Variants in MMP16 observed in about 807,000 individuals in gnomAD.
MMP16 encodes matrix metalloproteinase-16.
A neutral mutation model predicts 67.8 loss-of-function variants in MMP16; 12 were observed. The observed-to-expected ratio is 0.18, with a 90% CI of 0.11 to 0.29. MMP16 has a LOEUF of 0.29. Among genes scored for constraint, MMP16 ranks in the 10% least tolerant of loss-of-function variants. The pLI is 1.00. For missense variants in MMP16, 475 were observed against 765.7 expected (o/e 0.62, Z 4.48); for synonymous variants, 249 against 255.9 (o/e 0.97, Z 0.26).
chr8:88,274,662 C>T (rs954233869), intron 1 of MMP16, among the ~76,000 whole-genome samples: 8 of 151,944 alleles, frequency 5.3e-5, no homozygotes, highest in African/African-American at 1.9e-4. Flanking sequence ...AAGTTACAAT[C>T]TGTAATTATT....
At chr8:88,082,881 T>C (rs546330880) in intron 6 of MMP16, among the ~76,000 whole-genome samples, 2 of 152,044 alleles carry the variant, frequency 1.3e-5, no homozygotes, top group South Asian at 4.2e-4. Context: ...AATCCCTAAA[T>C]TCATCTGTAT....
At chr8:88,242,480 T>G (rs1352302730) in intron 1 of MMP16, among the ~76,000 whole-genome samples, 1 of 152,214 alleles carries the variant, frequency 6.6e-6, no homozygotes, top group Non-Finnish European at 1.5e-5. Context: ...TTAAGTATGC[T>G]GCCCTGTGTG....
intron 6 of MMP16, among the ~76,000 whole-genome samples, chr8:88,100,132 C>T (rs958136798): frequency 4.0e-5 from 6 of 151,890 alleles, no homozygotes; most frequent in African/African-American, 1.4e-4. Context: ...GTTGCCATTG[C>T]TTTTGGTGTT....
rs114500811 is a variant in MMP16 at position 88,308,118 on chromosome 8, A to C, written c.132+18957T>G. Among the ~76,000 whole-genome samples the C allele has an allele frequency of 4.0e-3, 602 of 152,194 alleles. 4 individuals carry two copies. The highest frequency in any genetic ancestry group is 0.014 in the African/African-American group (562 of 41,566). ...TTAGTATATAATAAAGGCAGCATTT[A>C]AAGCATTGAAAACATCATAAATGCA... is the stretch of plus-strand genomic sequence containing the variant. On this transcript the variant is annotated intron_variant, in intron 1 of 9. Coordinates refer to ENST00000286614, the MANE Select transcript of MMP16 (RefSeq NM_005941.5).
intron 1 of MMP16, among the ~76,000 whole-genome samples, chr8:88,283,749 C>T (rs933026871): frequency 2.0e-5 from 3 of 152,208 alleles, no homozygotes; most frequent in African/African-American, 7.2e-5. Context: ...AGGTTATACA[C>T]TGACCTGTGA....
intron 3 of MMP16, among the ~76,000 whole-genome samples, chr8:88,168,779 A>G (rs1284995801): frequency 6.6e-6 from 1 of 152,164 alleles, no homozygotes; most frequent in Non-Finnish European, 1.5e-5. Context: ...GCATGTGAAA[A>G]AAATGGGTAA....
chr8:88,161,398 C>T (rs1808620342), intron 4 of MMP16, among the ~76,000 whole-genome samples: 1 of 152,104 alleles, frequency 6.6e-6, no homozygotes, highest in Non-Finnish European at 1.5e-5. Flanking sequence ...GTGACATCCC[C>T]TTTATCATTT....
chr8:88,119,067 G>A (rs1203240892), intron 4 of MMP16, among the ~76,000 whole-genome samples: 1 of 152,002 alleles, frequency 6.6e-6, no homozygotes, highest in Non-Finnish European at 1.5e-5. Flanking sequence ...AGAGGTGGCG[G>A]TGATAAAGTC....
At chr8:88,085,859 T>A (rs1257973854) in intron 6 of MMP16, among the ~76,000 whole-genome samples, 1 of 152,006 alleles carries the variant, frequency 6.6e-6, no homozygotes, top group African/African-American at 2.4e-5. Flanking sequence ...TTATATTAAT[T>A]TATAGGGAAA....
At chr8:88,053,126 G>A (rs2118217970) in intron 8 of MMP16, among the ~76,000 whole-genome samples, 1 of 152,268 alleles carries the variant, frequency 6.6e-6, no homozygotes, top group South Asian at 2.1e-4. Flanking sequence ...AAATCTTAAG[G>A]AAGCAGGCAC....
At chr8:88,225,179 G>A (rs1809750248) in intron 1 of MMP16, among the ~76,000 whole-genome samples, 1 of 151,990 alleles carries the variant, frequency 6.6e-6, no homozygotes, top group South Asian at 2.1e-4. Context: ...TGAAATAGCT[G>A]TGAGATATTT....
At chr8:88,093,278 A>T (rs1388400693) in intron 6 of MMP16, among the ~76,000 whole-genome samples, 3 of 151,890 alleles carry the variant, frequency 2.0e-5, no homozygotes. Context: ...CCGACTTTTG[A>T]TTATAATGTG....
chr8:88,301,625 T>C (rs1280362624), intron 1 of MMP16, among the ~76,000 whole-genome samples: 20 of 152,204 alleles, frequency 1.3e-4, no homozygotes, highest in Admixed American at 1.2e-3. Flanking sequence ...ATGTGTTTAA[T>C]TGTAACTTTA....
intron 3 of MMP16, among the ~76,000 whole-genome samples, chr8:88,176,912 G>A (rs1808902345): frequency 6.6e-6 from 1 of 152,118 alleles, no homozygotes; most frequent in Admixed American, 6.6e-5. Context: ...TTGATTCAGT[G>A]TGTTAAATTA....
At chr8:88,059,588 C>G (rs1470303077) in intron 7 of MMP16, among the ~76,000 whole-genome samples, 2 of 152,092 alleles carry the variant, frequency 1.3e-5, no homozygotes, top group Non-Finnish European at 2.9e-5. Context: ...TGGATCATTA[C>G]ATTCAGCTGA....
At chr8:88,238,597 C>T (rs570574488) in intron 1 of MMP16, among the ~76,000 whole-genome samples, 18 of 135,948 alleles carry the variant, frequency 1.3e-4, no homozygotes, top group East Asian at 2.4e-4. Context: ...ACACAGGAGG[C>T]GGAGGTTGCA....
In MMP16 at chr8:88,122,258, AT is replaced by A. The variant is rs28907628; in HGVS notation, c.710-3398del. Among the ~76,000 whole-genome samples the A allele has an allele frequency of 2.3e-4, 35 of 151,788 alleles. 1 individual carries two copies. Among genetic ancestry groups the A allele is most frequent in the Non-Finnish European group, 1.2e-4 (8 of 67,938 alleles). On this transcript the variant is annotated intron_variant, in intron 4 of 9. Transcript: ENST00000286614. ...CTTCTAAAACTTGTTGAAACTCAGCATTTTTTTTCCTAATATATATCTTCTA... is the reference window on the plus strand; with the variant it reads ...CTTCTAAAACTTGTTGAAACTCAGCATTTTTTTCCTAATATATATCTTCTA...
intron 4 of MMP16, among the ~76,000 whole-genome samples, chr8:88,163,757 TTAAA>T (rs1164039692): frequency 6.6e-6 from 1 of 152,120 alleles, no homozygotes; most frequent in South Asian, 2.1e-4. Context: ...TTTGCTGGAC[TTAAA>T]TTTTCCAAGT....
At chr8:88,135,093 A>G (rs1808096460) in intron 4 of MMP16, among the ~76,000 whole-genome samples, 2 of 151,628 alleles carry the variant, frequency 1.3e-5, no homozygotes, top group Non-Finnish European at 3.0e-5. Flanking sequence ...AGCTCTTTTT[A>G]TTAATCTTTT....
Sources: allele counts gnomAD v4.1 joint callset (sites outside exome capture counted in the v4.1 genomes callset), GRCh38; gene constraint gnomAD v4.1.1; transcripts MANE v1.5; gene names NCBI Gene and HGNC (gene_info 2026-07-23, HGNC 2026-07-21).